The following MYT1L variants were observed in gnomAD, a reference collection of about 807,000 sequenced individuals.
MYT1L encodes the protein myelin transcription factor 1-like protein.
Under a neutral mutation model 126.7 loss-of-function variants are expected in MYT1L, and 12 were observed. That is an observed-to-expected ratio of 0.09 (90% CI 0.06 to 0.15). The LOEUF is 0.15. Ranked by LOEUF, MYT1L falls within the 10% of genes least tolerant of loss-of-function variation. MYT1L has a pLI of 1.00. For missense variants in MYT1L, 979 were observed against 1,585.2 expected, an observed-to-expected ratio of 0.62 and a Z score of 6.49; for synonymous variants, 541 against 604.2, an observed-to-expected ratio of 0.90 and a Z score of 1.53.
At chr2:1,873,174 G>A (rs2046467558) in intron 18 of MYT1L, among the ~76,000 whole-genome samples, 1 of 152,034 alleles carries the variant, frequency 6.6e-6, no homozygotes, top group South Asian at 2.1e-4. Flanking sequence ...AATGTTTCCA[G>A]GCCTTTAAGG....
At chr2:2,216,072 A>AGCATGTAAAATGCTTT (rs1559362517) in intron 2 of MYT1L, among the ~76,000 whole-genome samples, 19 of 151,122 alleles carry the variant, frequency 1.3e-4, no homozygotes, top group Non-Finnish European at 2.1e-4. Context: ...TCTCAGTTCC[A>AGCATGTAAAATGCTTT]CGTTCCACCT....
chr2:2,012,252 G>T (rs558801999), intron 4 of MYT1L, among the ~76,000 whole-genome samples: 2 of 152,206 alleles, frequency 1.3e-5, no homozygotes, highest in Non-Finnish European at 2.9e-5. Context: ...GGATATATAT[G>T]AATTCATAGA....
chr2:2,114,018 C>G (rs959784992), intron 3 of MYT1L, among the ~76,000 whole-genome samples: 4 of 151,984 alleles, frequency 2.6e-5, no homozygotes, highest in Non-Finnish European at 5.9e-5. Context: ...GAAAACATTA[C>G]TGCCTCCATT....
chr2:2,141,308 A>G (rs917997399), intron 3 of MYT1L, among the ~76,000 whole-genome samples: 5 of 152,198 alleles, frequency 3.3e-5, no homozygotes, highest in Non-Finnish European at 5.9e-5. Context: ...ATGGATTTTT[A>G]TGTCAATAAA....
chr2:2,154,329 T>G (rs1032869467), intron 3 of MYT1L, among the ~76,000 whole-genome samples: 1 of 152,150 alleles, frequency 6.6e-6, no homozygotes, highest in Admixed American at 6.5e-5. Context: ...GCTAGGAAAC[T>G]TAAAACCCGT....
intron 2 of MYT1L, among the ~76,000 whole-genome samples, chr2:2,188,879 T>C (rs1254852648): frequency 2.1e-5 from 1 of 47,636 alleles, no homozygotes; most frequent in Non-Finnish European, 3.6e-5. Flanking sequence ...TACAAAAGCT[T>C]TGTCCTGCCA....
chr2:1,952,776 CTCCTT>C (rs1382618459), intron 8 of MYT1L, among the ~76,000 whole-genome samples: 3 of 2,344 alleles, frequency 1.3e-3, no homozygotes, highest in African/African-American at 4.7e-3. Context: ...CCTCCCTTCC[CTCCTT>C]TCCTCCCTTC....
intron 4 of MYT1L, among the ~76,000 whole-genome samples, chr2:2,018,724 C>T (rs2149810776): frequency 6.6e-6 from 1 of 152,282 alleles, no homozygotes; most frequent in South Asian, 2.1e-4. Context: ...TCCACTTGGT[C>T]AATGGATTCT....
At chr2:1,957,646 G>A (rs966778408) in intron 8 of MYT1L, among the ~76,000 whole-genome samples, 5 of 151,660 alleles carry the variant, frequency 3.3e-5, no homozygotes, top group East Asian at 1.9e-4. Flanking sequence ...TCTATCTATC[G>A]TTATCATCTA....
chr2:2,063,561 T>C (rs901222301), intron 3 of MYT1L, among the ~76,000 whole-genome samples: 2 of 152,170 alleles, frequency 1.3e-5, no homozygotes, highest in Admixed American at 6.5e-5. Context: ...AAAAAGAACA[T>C]GGCCAGGCGC....
At chr2:2,183,973 G>T in intron 2 of MYT1L, among the ~76,000 whole-genome samples, 1 of 127,794 alleles carries the variant, frequency 7.8e-6, no homozygotes, top group East Asian at 2.2e-4. Flanking sequence ...GGGAAGAAGA[G>T]AAAGAAAGAG....
chr2:2,166,095 G>A (rs1355767917), intron 3 of MYT1L, among the ~76,000 whole-genome samples: 1 of 152,184 alleles, frequency 6.6e-6, no homozygotes, highest in East Asian at 1.9e-4. Flanking sequence ...TAGAAAATCC[G>A]ATAGGAGAAT....
intron 3 of MYT1L, among the ~76,000 whole-genome samples, chr2:2,114,234 A>G (rs2079902497): frequency 1.3e-5 from 2 of 152,358 alleles, no homozygotes; most frequent in South Asian, 4.1e-4. Flanking sequence ...TAGACTAGAA[A>G]TAGAAAACCA....
chr2:1,909,029 G>A (rs1379282627), intron 13 of MYT1L, among the ~76,000 whole-genome samples: 2 of 152,074 alleles, frequency 1.3e-5, no homozygotes, highest in Non-Finnish European at 2.9e-5. Context: ...AAGCTTCTTG[G>A]GATGTTATGA....
chr2:2,012,132 T>C (rs2063889830), intron 4 of MYT1L, among the ~76,000 whole-genome samples: 1 of 152,248 alleles, frequency 6.6e-6, no homozygotes, highest in African/African-American at 2.4e-5. Flanking sequence ...TGTATATGTT[T>C]ACTGTAACTT....
At chr2:2,134,945 T>C (rs1237989884) in intron 3 of MYT1L, among the ~76,000 whole-genome samples, 1 of 152,204 alleles carries the variant, frequency 6.6e-6, no homozygotes, top group African/African-American at 2.4e-5. Context: ...AAAGGTACCA[T>C]CTGCCTTCTT....
intron 8 of MYT1L, among the ~76,000 whole-genome samples, chr2:1,961,057 C>T (rs375483394): frequency 2.1e-5 from 3 of 144,324 alleles, no homozygotes; most frequent in Non-Finnish European, 1.6e-5. Flanking sequence ...CAATTAGTAT[C>T]GCGGAATACA....
chr2:1,839,087 C>A, intron 21 of MYT1L, 62 bp downstream of exon 21: 2 of 1,435,840 alleles, frequency 1.4e-6, no homozygotes, highest in Non-Finnish European at 9.5e-7. Flanking sequence ...TCATAACCAG[C>A]CGTGCCAGTC....
At chr2:2,330,249 T>C (rs1285030420) in intron 1 of MYT1L, among the ~76,000 whole-genome samples, 3 of 152,118 alleles carry the variant, frequency 2.0e-5, no homozygotes, top group African/African-American at 2.4e-5. Flanking sequence ...ATTTAGCTTA[T>C]ATAGCTTTGA....
Sources: gnomAD v4.1 joint callset for allele counts (sites outside exome capture counted in the v4.1 genomes callset) on GRCh38, gnomAD v4.1.1 for gene constraint, MANE v1.5 for transcripts, NCBI Gene and HGNC (gene_info 2026-07-23, HGNC 2026-07-21) for gene names.